DCDC2: variants seen among roughly 807,000 people sequenced by gnomAD.
DCDC2 encodes the protein doublecortin domain-containing protein 2.
In DCDC2, 40 loss-of-function variants were observed where a neutral mutation model predicts 50.2. The ratio of observed to expected loss-of-function variants is 0.80; its 90% CI spans 0.62 to 1.04. The LOEUF (loss-of-function observed/expected upper bound fraction) is 1.04, where lower values mean the gene tolerates loss of function less well. DCDC2 is among the 50% of genes least tolerant of loss of function. The pLI is 0.00. For missense variants in DCDC2, 570 were observed against 581.9 expected, an observed-to-expected ratio of 0.98 and a Z score of 0.21; for synonymous variants, 234 against 210.6, an observed-to-expected ratio of 1.11 and a Z score of -0.96.
intron 2 of DCDC2, among the ~76,000 whole-genome samples, chr6:24,322,787 AT>A (rs1436403857): frequency 1.3e-5 from 2 of 152,246 alleles, no homozygotes; most frequent in East Asian, 3.9e-4. Context: ...AAACAAATGT[AT>A]TTCTTTAAAT....
intron 2 of DCDC2, among the ~76,000 whole-genome samples, chr6:24,310,306 G>A (rs1333835275): frequency 6.6e-6 from 1 of 152,112 alleles, no homozygotes; most frequent in Non-Finnish European, 1.5e-5. Context: ...AATTAAATAA[G>A]TATTGTTAAT....
upstream of DCDC2, among the ~76,000 whole-genome samples, chr6:24,358,940 T>C (rs796522167): frequency 1.7e-5 from 1 of 58,690 alleles, no homozygotes; most frequent in Non-Finnish European, 2.8e-5. Flanking sequence ...ATATATTTTA[T>C]ATATTATATA....
At chr6:24,190,929 C>T (rs1307360530) in intron 8 of DCDC2, among the ~76,000 whole-genome samples, 1 of 152,150 alleles carries the variant, frequency 6.6e-6, no homozygotes, top group Non-Finnish European at 1.5e-5. Flanking sequence ...TTAGAAGCCC[C>T]TCATCTTCTC....
chr6:24,343,137 T>C (rs1387814850), intron 2 of DCDC2, among the ~76,000 whole-genome samples: 1 of 150,594 alleles, frequency 6.6e-6, no homozygotes, highest in Non-Finnish European at 1.5e-5. Flanking sequence ...AAGCTCCGTC[T>C]CCCGGGTTCA....
chr6:24,259,146 C>T (rs1232772744), intron 7 of DCDC2, among the ~76,000 whole-genome samples: 3 of 150,910 alleles, frequency 2.0e-5, no homozygotes, highest in Admixed American at 2.0e-4. Flanking sequence ...AAAAAAACAG[C>T]ATGTAGGGGG....
At chr6:24,217,581 A>AT (rs1156735741) in intron 7 of DCDC2, among the ~76,000 whole-genome samples, 4 of 152,144 alleles carry the variant, frequency 2.6e-5, no homozygotes, top group Non-Finnish European at 4.4e-5. Flanking sequence ...AAGGGATTGG[A>AT]TTTTTTTCAC....
chr6:24,379,832 C>T, the DCDC2 span, among the ~76,000 whole-genome samples: 1 of 152,064 alleles, frequency 6.6e-6, no homozygotes, highest in Non-Finnish European at 1.5e-5. Context: ...AAATGTGGCA[C>T]ATATACACCA....
the DCDC2 span, among the ~76,000 whole-genome samples, chr6:24,376,874 A>C: frequency 6.6e-6 from 1 of 151,318 alleles, no homozygotes; most frequent in Non-Finnish European, 1.5e-5. Flanking sequence ...AAATGCTGAG[A>C]TGCAACCACA....
intron 2 of DCDC2, among the ~76,000 whole-genome samples, chr6:24,351,209 G>A (rs1233308602): frequency 6.6e-6 from 1 of 152,190 alleles, no homozygotes; most frequent in Non-Finnish European, 1.5e-5. Flanking sequence ...ATGAAAGTAG[G>A]GGCTGCCTTT....
intron 7 of DCDC2, among the ~76,000 whole-genome samples, chr6:24,266,191 A>G (rs1025707884): frequency 6.6e-6 from 1 of 152,198 alleles, no homozygotes; most frequent in African/African-American, 2.4e-5. Context: ...ACAAAAATAA[A>G]ATCAAAATGG....
intron 8 of DCDC2, among the ~76,000 whole-genome samples, chr6:24,187,855 A>G (rs543204107): frequency 3.9e-5 from 6 of 152,220 alleles, no homozygotes; most frequent in Non-Finnish European, 8.8e-5. Context: ...TCATATTTAC[A>G]CTAACCTCAC....
rs150069392 is a variant in DCDC2, at chr6:24,343,356, T to A, written c.348+10213A>T. On this transcript the variant is annotated intron_variant, in intron 2 of 9. Transcript: ENST00000378454. Reference sequence around the variant, plus strand: ...CAGCCACCGTGCCCCGCCTAAATATTCTTGAGGAAATGTAAAATCATGCAT... The same window carrying A: ...CAGCCACCGTGCCCCGCCTAAATATACTTGAGGAAATGTAAAATCATGCAT... Among the ~76,000 whole-genome samples the A allele has an allele frequency of 5.3e-5, 8 of 152,332 alleles. No individual in the cohort carries two copies. In the East Asian group the frequency reaches 1.5e-3, roughly 29 times the overall value.
At chr6:24,301,686 C>T (rs1759377912) in intron 4 of DCDC2, 29 bp downstream of exon 4, 1 of 1,609,106 alleles carries the variant, frequency 6.2e-7, no homozygotes, top group African/African-American at 1.3e-5. Context: ...TTCAAAAACT[C>T]CTCCACTTAC....
In DCDC2 at chr6:24,172,527, AAG is replaced by A. The variant is rs979506682; in HGVS notation, c.*2201_*2202del. Reference sequence around the variant, plus strand: ...ATAATGAATAAAAGGACAGGAAAAAAAGAAATATTTTTATTAGAGGAGGAAAA... The same window carrying A: ...ATAATGAATAAAAGGACAGGAAAAAAAAATATTTTTATTAGAGGAGGAAAA... On this transcript the variant is annotated 3_prime_UTR_variant, in exon 10 of 10. Transcript: ENST00000378454. The A allele has an allele frequency of 2.0e-5, 3 of 152,230 alleles. No homozygotes were observed. The highest frequency in any genetic ancestry group is 7.2e-5 in the African/African-American group (3 of 41,456). 9.4% of individuals were successfully genotyped at this position (152,230 alleles called of 1,614,324 possible). A position where few individuals can be genotyped will look rare whatever the true frequency, so the allele number is the denominator to read the frequency against.
At chr6:24,182,629 G>GAAAAAAAAAAAAAAAAAAAAAAAACA (rs71002473) in intron 8 of DCDC2, among the ~76,000 whole-genome samples, 1 of 105,942 alleles carries the variant, frequency 9.4e-6, no homozygotes, top group Non-Finnish European at 1.8e-5. Flanking sequence ...ATGATGACAA[G>GAAAAAAAAAAAAAAAAAAAAAAAACA]AAAAAAAAAA....
intron 6 of DCDC2, among the ~76,000 whole-genome samples, chr6:24,284,950 G>T (rs1440379631): frequency 3.3e-5 from 5 of 151,984 alleles, no homozygotes; most frequent in Non-Finnish European, 5.9e-5. Context: ...TTTCCCCATA[G>T]CATTTATCAC....
intron 7 of DCDC2, among the ~76,000 whole-genome samples, chr6:24,207,671 T>C (rs1761752992): frequency 1.3e-5 from 2 of 152,288 alleles, no homozygotes; most frequent in East Asian, 3.9e-4. Flanking sequence ...TCCTTTCCTA[T>C]CTTAGGAGTT....
chr6:24,207,753 A>G (rs1181975908), intron 7 of DCDC2, among the ~76,000 whole-genome samples: 2 of 152,178 alleles, frequency 1.3e-5, no homozygotes, highest in African/African-American at 4.8e-5. Context: ...ATGTAAGACA[A>G]AAGACAAGCC....
rs776505531 is a variant in DCDC2, at chr6:24,357,833, G to A, written c.-83C>T. On this transcript the variant is annotated 5_prime_UTR_variant, in exon 1 of 10. Transcript: ENST00000378454. ...TCCCAGCGGCCTCACCGCACCCAGG[G>A]CGCGGGATCGCCTCCTGAAACGAAC... 41 of 1,600,082 alleles carry A rather than the reference G, an allele frequency of 2.6e-5. No homozygotes were observed. The highest frequency in any genetic ancestry group is 2.0e-4 in the African/African-American group (15 of 74,600).
Sources: allele counts gnomAD v4.1 joint callset (sites outside exome capture counted in the v4.1 genomes callset), GRCh38; gene constraint gnomAD v4.1.1; transcripts MANE v1.5; gene names NCBI Gene and HGNC (gene_info 2026-07-23, HGNC 2026-07-21).